The following LCOR variants were observed in gnomAD, a reference collection of about 807,000 sequenced individuals.
LCOR encodes the protein ligand dependent nuclear receptor corepressor.
LCOR carries 14 observed loss-of-function variants against 64.4 expected under a neutral mutation model. That is an observed-to-expected ratio of 0.22 (90% CI 0.14 to 0.34). LCOR has a LOEUF of 0.34. Ranked by LOEUF, LCOR falls within the 10% of genes least tolerant of loss-of-function variation. The pLI is 1.00. For missense variants in LCOR, 1,686 were observed against 1,765.3 expected (o/e 0.96, Z 0.80); for synonymous variants, 643 against 642.5 (o/e 1.00, Z -0.01).
chr10:96,945,532 T>C (rs893374891), intron 5 of LCOR, among the ~76,000 whole-genome samples: 31 of 152,186 alleles, frequency 2.0e-4, no homozygotes, highest in Non-Finnish European at 2.1e-4. Flanking sequence ...TTATTATCCC[T>C]GCACATTGCT....
chr10:96,877,163 C>T (rs1369038323), intron 2 of LCOR, among the ~76,000 whole-genome samples: 2 of 152,066 alleles, frequency 1.3e-5, no homozygotes, highest in Admixed American at 6.6e-5. Context: ...AATAAACTAT[C>T]TTAAAAAAAT....
intron 4 of LCOR, among the ~76,000 whole-genome samples, chr10:96,941,290 A>G (rs1847467162): frequency 9.4e-6 from 1 of 106,604 alleles, no homozygotes. Context: ...CGGGGGGCTG[A>G]TCCCCCCACC....
intron 2 of LCOR, among the ~76,000 whole-genome samples, chr10:96,864,001 T>C (rs546886892): frequency 6.6e-6 from 1 of 152,366 alleles, no homozygotes; most frequent in African/African-American, 2.4e-5. Flanking sequence ...TACATTCTGA[T>C]GTGAAACACC....
In LCOR at chr10:96,987,723, T is replaced by C. The variant is rs1030174320; in HGVS notation, c.*2589T>C. ...TTGCTGATTCAGTTAATTTTGTTAA[T>C]AGAAGAAAGAAAACAGCAAAACTTG... is the stretch of plus-strand genomic sequence containing the variant. On this transcript the variant is annotated 3_prime_UTR_variant, in exon 8 of 8. Coordinates refer to ENST00000421806, the MANE Select transcript of LCOR (RefSeq NM_001346516.2). 2.0e-5 allele frequency: 3 copies of C among 152,210 alleles called. No individual in the cohort carries two copies. Among genetic ancestry groups the C allele is most frequent in the Non-Finnish European group, 4.4e-5 (3 of 68,020 alleles). 9.4% of individuals were successfully genotyped at this position (152,210 alleles called of 1,614,324 possible).
intron 3 of LCOR, 107 bp from the exon 4 acceptor site, chr10:96,907,561 T>C (rs1460553459): frequency 3.0e-6 from 1 of 331,470 alleles, no homozygotes; most frequent in African/African-American, 2.2e-5. Flanking sequence ...AAGACAAATA[T>C]GGCCTAACTA....
In LCOR at chr10:96,982,575, A is replaced by G. The variant is rs1431158293; in HGVS notation, c.2115A>G (p.Ser705=). Residue 705 remains serine, a synonymous_variant, in exon 8 of 8, where the codon TCA becomes TCG. Transcript: ENST00000421806. ...IVSREESPQC[S]ENQSSPMGLE... is the part of the protein sequence containing the mutation. ...GTAGAGAAGAAAGTCCTCAGTGCTC[A>G]GAAAATCAGAGTTCCCCAATGGGCT... The G allele has an allele frequency of 1.2e-6, 2 of 1,614,176 alleles. No homozygotes were observed. Among genetic ancestry groups the G allele is most frequent in the Admixed American group, 3.3e-5 (2 of 60,030 alleles).
intron 2 of LCOR, among the ~76,000 whole-genome samples, chr10:96,837,363 T>G (rs1845464187): frequency 6.6e-6 from 1 of 151,950 alleles, no homozygotes; most frequent in Non-Finnish European, 1.5e-5. Flanking sequence ...TTTAAGAAAT[T>G]CTGTGCCTCA....
Position 96,920,926 on chromosome 10 carries a change from C to T in LCOR, c.-184+13179C>T, listed in dbSNP as rs183024863. Among the ~76,000 whole-genome samples the T allele has an allele frequency of 5.4e-3, 820 of 151,922 alleles. 14 individuals carry two copies. Among genetic ancestry groups the T allele is most frequent in the African/African-American group, 0.019 (767 of 41,412 alleles). On this transcript the variant is annotated intron_variant, in intron 4 of 7. Coordinates refer to ENST00000421806, the MANE Select transcript of LCOR (RefSeq NM_001346516.2). Reference sequence around the variant, plus strand: ...AATCCTCCTGCCTCAGCCTCCCAAGCAGCTGAGACCACAGGCACTTGCCAC... The same window carrying T: ...AATCCTCCTGCCTCAGCCTCCCAAGTAGCTGAGACCACAGGCACTTGCCAC...
rs1373602694 is a variant in LCOR at position 96,990,652 on chromosome 10, C to T, written c.*5518C>T. On this transcript the variant is annotated 3_prime_UTR_variant, in exon 8 of 8. Transcript: ENST00000421806. ...CCGTCCTGGGGCCCGGGGAACCACC[C>T]TGAGCACTTTGTGGAGTGTGTCCTT... 2 of 152,326 alleles carry T rather than the reference C, an allele frequency of 1.3e-5. No individual in the cohort carries two copies. The allele number at this position is 152,326 out of a possible 1,614,324, so 9.4% of individuals were successfully genotyped here. A position where few individuals can be genotyped will look rare whatever the true frequency, so the allele number is the denominator to read the frequency against.
intron 7 of LCOR, chr10:96,954,805 ATT>A: frequency 8.2e-6 from 4 of 488,516 alleles, no homozygotes; most frequent in Non-Finnish European, 1.0e-5. Flanking sequence ...TGCTGAGACC[ATT>A]TTTTTTTTAA....
At chr10:96,892,885 C>T (rs1846470027) in intron 2 of LCOR, among the ~76,000 whole-genome samples, 1 of 152,034 alleles carries the variant, frequency 6.6e-6, no homozygotes, top group African/African-American at 2.4e-5. Flanking sequence ...TAATTCTGCC[C>T]ATCTCTGCCT....
intron 2 of LCOR, among the ~76,000 whole-genome samples, chr10:96,868,510 G>A (rs1190196896): frequency 2.6e-5 from 4 of 151,392 alleles, no homozygotes; most frequent in Non-Finnish European, 1.5e-5. Flanking sequence ...TCCTGAACTC[G>A]TGATGCACCT....
At chr10:96,970,163 T>TGAGGCA (rs989924153) in intron 7 of LCOR, among the ~76,000 whole-genome samples, 2 of 151,560 alleles carry the variant, frequency 1.3e-5, no homozygotes, top group African/African-American at 4.8e-5. Context: ...TTTGGGAGGC[T>TGAGGCA]GAGGCAGGCA....
intron 7 of LCOR, among the ~76,000 whole-genome samples, chr10:96,965,802 TAATC>T (rs1030717213): frequency 1.8e-4 from 28 of 152,220 alleles, no homozygotes; most frequent in African/African-American, 6.0e-4. Flanking sequence ...GCCACATACT[TAATC>T]AAGATTTTTT....
At chr10:96,887,761 A>T (rs1044780363) in intron 2 of LCOR, among the ~76,000 whole-genome samples, 11 of 150,780 alleles carry the variant, frequency 7.3e-5, no homozygotes, top group Admixed American at 2.0e-4. Flanking sequence ...GCTCACTGCA[A>T]CCTCTGCCTC....
At chr10:96,852,113 G>A (rs1216142775) in intron 2 of LCOR, among the ~76,000 whole-genome samples, 7 of 152,298 alleles carry the variant, frequency 4.6e-5, no homozygotes, top group Middle Eastern at 3.4e-3. Context: ...AAAAAATATT[G>A]TATAAAATTA....
At position 96,942,771 on chromosome 10, in the gene LCOR, A is replaced by G. The variant is rs548780189; in HGVS notation, c.-183-1342A>G. Among the ~76,000 whole-genome samples the G allele has an allele frequency of 1.1e-3, 161 of 152,286 alleles. 1 individual carries two copies. Among genetic ancestry groups the G allele is most frequent in the Non-Finnish European group, 2.1e-3 (142 of 68,026 alleles). On this transcript the variant is annotated intron_variant, in intron 4 of 7. Coordinates refer to ENST00000421806, the MANE Select transcript of LCOR (RefSeq NM_001346516.2). ...ATTTGTGCATTATAACATGTCTTCA[A>G]TGTGTTGTTTAATTCCTTTTCATTG...
chr10:96,952,293 CTAAG>C lies in LCOR; in HGVS notation c.332+103_332+106del, dbSNP rs559916276. The C allele has an allele frequency of 2.8e-3, 2,155 of 759,698 alleles. 6 individuals carry two copies. Among genetic ancestry groups the C allele is most frequent in the Non-Finnish European group, 2.8e-3 (1,291 of 453,678 alleles). 47.1% of individuals were successfully genotyped at this position (759,698 alleles called of 1,614,324 possible). On this transcript the variant is annotated intron_variant, in intron 7 of 7. Coordinates refer to ENST00000421806, the MANE Select transcript of LCOR (RefSeq NM_001346516.2). The stretch of plus-strand genomic sequence containing the variant: ...TTTTACATTTTAAAAAATAACCCTT[CTAAG>C]TAAGTCATTTATAAATATGGACCAT...
chr10:96,868,713 T>G (rs1468699963), intron 2 of LCOR, among the ~76,000 whole-genome samples: 1 of 152,210 alleles, frequency 6.6e-6, no homozygotes, highest in Non-Finnish European at 1.5e-5. Context: ...ATACTATTCT[T>G]TCATAGCACT....
Sources: gnomAD v4.1 joint callset for allele counts (sites outside exome capture counted in the v4.1 genomes callset) on GRCh38, gnomAD v4.1.1 for gene constraint, MANE v1.5 for transcripts, NCBI Gene and HGNC (gene_info 2026-07-23, HGNC 2026-07-21) for gene names.